GPI: variants seen among roughly 807,000 people sequenced by gnomAD.
GPI encodes D-hexose-6-phosphate anomerase.
A neutral mutation model predicts 75.8 loss-of-function variants in GPI; 56 were observed. That is an observed-to-expected ratio of 0.74 (90% CI 0.60 to 0.92). GPI has a LOEUF of 0.92. Among genes scored for constraint, GPI ranks in the 40% least tolerant of loss-of-function variants. The pLI is 0.00. For missense variants in GPI, 638 were observed against 741.0 expected (o/e 0.86, Z 1.61); for synonymous variants, 288 against 285.4 (o/e 1.01, Z -0.09).
Position 34,396,318 on chromosome 19 carries a change from T to C in GPI, c.1080T>C (p.Asn360=), listed in dbSNP as rs779430632. The C allele has an allele frequency of 6.2e-7, 1 of 1,614,104 alleles. No homozygotes were observed. The highest frequency in any genetic ancestry group is 1.7e-5 in the Admixed American group (1 of 60,014). The change falls in exon 13 of 18, where the codon AAT becomes AAC. Residue 360 remains asparagine (N), a synonymous_variant. Transcript: ENST00000356487. ...TTTTCCAGGGCGACATGGAGTCCAATGGGAAATACATCACCAAATCTGGAA... is the reference window on the plus strand; with the variant it reads ...TTTTCCAGGGCGACATGGAGTCCAACGGGAAATACATCACCAAATCTGGAA... The part of the protein sequence containing the change: ...AYFQQGDMES[N]GKYITKSGTR...
At chr19:34,364,044 T>C (rs1314536216), upstream of GPI, among the ~76,000 whole-genome samples, 1 of 152,142 alleles carries the variant, frequency 6.6e-6, no homozygotes, top group Non-Finnish European at 1.5e-5. Flanking sequence ...CTTTTCTTTT[T>C]TTTAAGACAA....
upstream of GPI, among the ~76,000 whole-genome samples, chr19:34,362,753 A>C (rs2074307792): frequency 1.3e-5 from 2 of 152,160 alleles, no homozygotes; most frequent in South Asian, 4.2e-4. Context: ...TATTTTCCTC[A>C]AGACCAGGGG....
At chr19:34,392,030 A>C (rs111533922) in intron 9 of GPI, among the ~76,000 whole-genome samples, 2 of 418 alleles carry the variant, frequency 4.8e-3, no homozygotes, top group African/African-American at 0.016. Context: ...TGGGTCTTTC[A>C]ATGTCTGAGA....
intron 9 of GPI, chr19:34,392,662 T>G (rs1224901455): frequency 6.3e-5 from 1 of 15,842 alleles, no homozygotes; most frequent in Non-Finnish European, 1.1e-4. Context: ...GGCACAGGCA[T>G]GAGCATCTGG....
intron 9 of GPI, among the ~76,000 whole-genome samples, chr19:34,384,150 C>T (rs1042611458): frequency 6.6e-6 from 1 of 152,046 alleles, no homozygotes; most frequent in African/African-American, 2.4e-5. Context: ...GTGATTGGGT[C>T]CAGGTTGGAG....
chr19:34,365,803 G>A (rs1320034651), intron 1 of GPI: 2 of 473,204 alleles, frequency 4.2e-6, no homozygotes, highest in South Asian at 1.5e-5. Context: ...TGCAGGGCGG[G>A]CAGCCCGGGC....
chr19:34,389,772 C>G (rs542559191), intron 9 of GPI, among the ~76,000 whole-genome samples: 1 of 152,282 alleles, frequency 6.6e-6, no homozygotes, highest in African/African-American at 2.4e-5. Context: ...TATAAGTGGC[C>G]TCAGCACCAT....
At chr19:34,381,542 T>C in intron 9 of GPI, 23 bp downstream of exon 9, 1 of 1,548,826 alleles carries the variant, frequency 6.5e-7, no homozygotes, top group South Asian at 1.1e-5. Flanking sequence ...ACTTCTGCAC[T>C]GGGTGAATTA....
intron 4 of GPI, 165 bp downstream of exon 4, chr19:34,368,867 T>A: frequency 1.3e-6 from 1 of 754,784 alleles, no homozygotes; most frequent in Non-Finnish European, 2.3e-6. Flanking sequence ...CTGGAGTCTC[T>A]GCTGAGGCCT....
At chr19:34,396,268 T>G (rs763825448) in intron 12 of GPI, 33 bp from the exon 13 acceptor site, 4 of 1,613,164 alleles carry the variant, frequency 2.5e-6, no homozygotes, top group Admixed American at 1.7e-5. Flanking sequence ...TTCTTTCATT[T>G]TGCCAAGAAC....
In GPI at chr19:34,378,982, T is replaced by C; in HGVS notation, c.682T>C (p.Trp228Arg). 6 of 1,613,588 alleles carry C rather than the reference T, an allele frequency of 3.7e-6. No homozygotes were observed. The highest frequency in any genetic ancestry group is 5.1e-6 in the Non-Finnish European group (6 of 1,179,856). ...TITNAETAKE[W>R]FLQAAKDPSA... ...CACGAATGCAGAGACGGCGAAGGAGTGGTTTCTCCAGGCGGCCAAGGATGT... is the reference window on the plus strand; with the variant it reads ...CACGAATGCAGAGACGGCGAAGGAGCGGTTTCTCCAGGCGGCCAAGGATGT... The change falls in exon 7 of 18, where the codon TGG becomes CGG. Residue 228 changes from tryptophan to arginine, a missense_variant. Transcript: ENST00000356487.
At position 34,365,234 on chromosome 19, in the gene GPI, C is replaced by A. The variant is rs374135310; in HGVS notation, c.-33C>A. On this transcript the variant is annotated 5_prime_UTR_variant, in exon 1 of 18. Coordinates refer to ENST00000356487, the MANE Select transcript of GPI (RefSeq NM_000175.5). ...TGCCGGCGCTCCTTCCTCCTCGGCT[C>A]GCGTCTCACTCAGTGTACCTTCTAG... 449 of 1,468,508 alleles carry A rather than the reference C, an allele frequency of 3.1e-4. 1 individual carries two copies. Among genetic ancestry groups the A allele is most frequent in the Non-Finnish European group, 3.7e-4 (409 of 1,105,400 alleles). 91.0% of individuals were successfully genotyped at this position (1,468,508 alleles called of 1,614,324 possible). A position where few individuals can be genotyped will look rare whatever the true frequency, so the allele number is the denominator to read the frequency against.
intron 14 of GPI, 122 bp downstream of exon 14, chr19:34,396,779 A>G (rs2074952066): frequency 1.3e-6 from 1 of 776,662 alleles, no homozygotes; most frequent in African/African-American, 1.7e-5. Flanking sequence ...ACAAATGATA[A>G]CAAACATGGA....
chr19:34,378,556 TAGAG>T (rs1355451146), intron 6 of GPI, among the ~76,000 whole-genome samples: 1 of 151,902 alleles, frequency 6.6e-6, no homozygotes, highest in Non-Finnish European at 1.5e-5. Flanking sequence ...GCCCTGATAA[TAGAG>T]GGGTTTTGTT....
intron 3 of GPI, 93 bp downstream of exon 3, chr19:34,366,944 C>T (rs756937795): frequency 4.9e-5 from 47 of 967,012 alleles, no homozygotes; most frequent in Non-Finnish European, 2.7e-5. Context: ...TTCACCCCTT[C>T]TCTTGGGCAA....
Position 34,393,498 on chromosome 19 carries a change from C to T in GPI, c.865+190C>T, listed in dbSNP as rs985188187. On this transcript the variant is annotated intron_variant, in intron 10 of 17. Coordinates refer to ENST00000356487, the MANE Select transcript of GPI (RefSeq NM_000175.5). The surrounding 1 kb of genome is among the most constrained non-coding windows in gnomAD (Gnocchi z 4.4). The stretch of plus-strand genomic sequence containing the variant: ...TTTTTTGCGTGTGCAAGTTGGCCCC[C>T]GTCTTTGCCCCTCACAACTGCAGTC... 6.5e-5 allele frequency: 47 copies of T among 719,232 alleles called. No individual in the cohort carries two copies. In the East Asian group the frequency reaches 8.6e-4, roughly 13 times the overall value. The allele number at this position is 719,232 out of a possible 1,614,324, so 44.6% of individuals were successfully genotyped here.
chr19:34,396,479 C>T, intron 13 of GPI, 49 bp downstream of exon 13: 1 of 1,613,368 alleles, frequency 6.2e-7, no homozygotes, highest in Middle Eastern at 1.7e-4. Context: ...GGGAAAGGAT[C>T]TTCCAGAAGA....
chr19:34,381,476 A>G lies in GPI; in HGVS notation c.761A>G (p.Lys254Arg), dbSNP rs1200368620. ...TTTTTTTTTTTGTAGACCAAAGTGA[A>G]GGAGTTTGGAATTGACCCTCAAAAC... ...VALSTNTTKV[K>R]EFGIDPQNMF... Residue 254 changes from lysine to arginine, a missense_variant, in exon 9 of 18, where the codon AAG (lysine) becomes AGG (arginine). By Grantham distance (26) the Lys-to-Arg change is conservative. Transcript: ENST00000356487. 6.2e-6 allele frequency: 10 copies of G among 1,605,578 alleles called. No homozygotes were observed. The highest frequency in any genetic ancestry group is 1.1e-5 in the South Asian group (1 of 90,878).
upstream of GPI, among the ~76,000 whole-genome samples, chr19:34,361,746 C>T (rs946830945): frequency 6.9e-4 from 104 of 151,316 alleles, 1 homozygote; most frequent in African/African-American, 2.3e-3. Flanking sequence ...TTTGGGAAGC[C>T]GAGGTGGGTG....
Sources: gnomAD v4.1 joint callset for allele counts (sites outside exome capture counted in the v4.1 genomes callset) on GRCh38, gnomAD v4.1.1 for gene constraint, Gnocchi (gnomAD v3.1) non-coding constraint, MANE v1.5 for transcripts, NCBI Gene and HGNC (gene_info 2026-07-23, HGNC 2026-07-21) for gene names.